TENM3: variants seen among roughly 807,000 people sequenced by gnomAD.
TENM3 encodes teneurin transmembrane protein 3, also known as teneurin-3.
In TENM3, 63 loss-of-function variants were observed where a neutral mutation model predicts 255.1. The observed-to-expected ratio is 0.25, with a 90% CI of 0.20 to 0.30. The LOEUF (loss-of-function observed/expected upper bound fraction) is 0.30, where lower values mean the gene tolerates loss of function less well. TENM3 is among the 10% of genes least tolerant of loss of function. The probability of loss-of-function intolerance (pLI) is 1.00; values close to 1 mark genes in which losing one functional copy is unlikely to be tolerated. For synonymous variants in TENM3, 1,306 were observed against 1,322.3 expected, an observed-to-expected ratio of 0.99 and a Z score of 0.27; for missense variants, 2,929 against 3,461.1, an observed-to-expected ratio of 0.85 and a Z score of 3.86.
chr4:182,242,279 G>T (rs548105884), upstream of TENM3, among the ~76,000 whole-genome samples: 1 of 151,754 alleles, frequency 6.6e-6, no homozygotes, highest in East Asian at 1.9e-4. Flanking sequence ...TCATTGTTCA[G>T]TTCCCACCTA....
At chr4:182,672,491 T>G (rs1755304367) in intron 6 of TENM3, among the ~76,000 whole-genome samples, 1 of 152,172 alleles carries the variant, frequency 6.6e-6, no homozygotes, top group South Asian at 2.1e-4. Context: ...ACATCTGATG[T>G]TTTTCATTCA....
chr4:182,404,977 G>C (rs969470640), intron 3 of TENM3, among the ~76,000 whole-genome samples: 2 of 152,194 alleles, frequency 1.3e-5, no homozygotes, highest in Non-Finnish European at 2.9e-5. Flanking sequence ...AAACAGTAGA[G>C]AGCATCGGGA....
the TENM3 span, among the ~76,000 whole-genome samples, chr4:181,681,462 G>T: frequency 6.6e-6 from 1 of 152,036 alleles, no homozygotes; most frequent in Non-Finnish European, 1.5e-5. Flanking sequence ...GGTTCAGTGG[G>T]CCGTGATTTC....
intron 2 of TENM3, among the ~76,000 whole-genome samples, chr4:182,334,321 G>A (rs1763968630): frequency 6.6e-6 from 1 of 152,084 alleles, no homozygotes; most frequent in African/African-American, 2.4e-5. Flanking sequence ...TTTTTGGATG[G>A]GAAGATGATA....
chr4:181,776,045 A>G, the TENM3 span, among the ~76,000 whole-genome samples: 1 of 152,020 alleles, frequency 6.6e-6, no homozygotes, highest in South Asian at 2.1e-4. Flanking sequence ...ATGTTTGTGT[A>G]CCCATTAACC....
chr4:181,811,950 T>C, the TENM3 span, among the ~76,000 whole-genome samples: 30 of 152,390 alleles, frequency 2.0e-4, 1 homozygote, highest in East Asian at 5.0e-3. Context: ...TTGAGTGTGA[T>C]TAAACGCAAA....
the TENM3 span, among the ~76,000 whole-genome samples, chr4:181,635,467 C>T: frequency 6.6e-6 from 1 of 152,156 alleles, no homozygotes; most frequent in Admixed American, 6.5e-5. Context: ...AAAAGGGATT[C>T]GCTGCAGTTC....
chr4:181,936,884 G>C, the TENM3 span, among the ~76,000 whole-genome samples: 1 of 151,990 alleles, frequency 6.6e-6, no homozygotes, highest in African/African-American at 2.4e-5. Flanking sequence ...AGGCGCAAAG[G>C]GGGAAAAGAA....
At chr4:181,984,347 C>T in the TENM3 span, among the ~76,000 whole-genome samples, 1 of 152,036 alleles carries the variant, frequency 6.6e-6, no homozygotes, top group Non-Finnish European at 1.5e-5. Flanking sequence ...AAATCCAAAG[C>T]AATTTACAGA....
chr4:182,563,610 A>C (rs1344721126), intron 3 of TENM3, among the ~76,000 whole-genome samples: 1 of 152,224 alleles, frequency 6.6e-6, no homozygotes. Context: ...ATTGATCCTT[A>C]TAACAATACT....
the TENM3 span, among the ~76,000 whole-genome samples, chr4:181,980,987 T>G: frequency 6.6e-6 from 1 of 152,124 alleles, no homozygotes; most frequent in African/African-American, 2.4e-5. Context: ...ATGGTATATA[T>G]TTTACTGTGT....
chr4:181,927,188 C>T, the TENM3 span, among the ~76,000 whole-genome samples: 1 of 152,144 alleles, frequency 6.6e-6, no homozygotes, highest in Admixed American at 6.5e-5. Context: ...GAAAAGGGAC[C>T]GAGTCCAGGG....
At chr4:181,580,473 C>G in the TENM3 span, among the ~76,000 whole-genome samples, 5,205 of 152,198 alleles carry the variant, frequency 0.034, 303 homozygotes, top group African/African-American at 0.12. Context: ...CAAAGTATTA[C>G]TGTCTCGCAG....
the TENM3 span, among the ~76,000 whole-genome samples, chr4:181,888,494 G>A: frequency 7.1e-5 from 2 of 28,228 alleles, no homozygotes; most frequent in African/African-American, 3.4e-4. Context: ...ATAGAAATGT[G>A]TATATATATA....
At chr4:182,726,303 G>T (rs1760175616) in intron 13 of TENM3, among the ~76,000 whole-genome samples, 1 of 151,956 alleles carries the variant, frequency 6.6e-6, no homozygotes, top group Non-Finnish European at 1.5e-5. Context: ...ACAGAAAATT[G>T]AATTCAAACA....
the TENM3 span, among the ~76,000 whole-genome samples, chr4:182,053,673 C>G: frequency 6.6e-6 from 1 of 152,174 alleles, no homozygotes; most frequent in African/African-American, 2.4e-5. Flanking sequence ...TCTGAGACAG[C>G]TCTCTCCTGC....
At position 182,374,912 on chromosome 4, in the gene TENM3, C is replaced by A. The variant is rs118176750; in HGVS notation, c.511+27983C>A. Reference sequence around the variant, plus strand: ...CACCAAATAATCTTATTTTTCCATTCTTTCCTTGCAATTCCTGTGAAGACA... The same window carrying A: ...CACCAAATAATCTTATTTTTCCATTATTTCCTTGCAATTCCTGTGAAGACA... On this transcript the variant is annotated intron_variant, in intron 3 of 27. Coordinates refer to ENST00000511685, the MANE Select transcript of TENM3 (RefSeq NM_001080477.4). Among the ~76,000 whole-genome samples the A allele has an allele frequency of 4.6e-5, 7 of 152,282 alleles. No individual in the cohort carries two copies. The Middle Eastern group carries it at 0.01, about 222-fold the overall frequency.
At chr4:182,577,722 C>G (rs12646520) in intron 3 of TENM3, among the ~76,000 whole-genome samples, 81,404 of 151,908 alleles carry the variant, frequency 0.54, 23,740 homozygotes, top group East Asian at 0.68. Flanking sequence ...TTTTTATTAG[C>G]GTGAATATCT....
the TENM3 span, among the ~76,000 whole-genome samples, chr4:181,641,554 G>GTATATATATATA: frequency 8.3e-3 from 223 of 26,778 alleles, 6 homozygotes; most frequent in Middle Eastern, 0.067. Context: ...TGGTGTGTGT[G>GTATATATATATA]TATATATATA....
Sources: allele counts gnomAD v4.1 joint callset (sites outside exome capture counted in the v4.1 genomes callset), GRCh38; gene constraint gnomAD v4.1.1; transcripts MANE v1.5; gene names NCBI Gene and HGNC (gene_info 2026-07-23, HGNC 2026-07-21).